Variants in PRKG1 observed in about 807,000 individuals in gnomAD.
The protein encoded by PRKG1 is protein kinase cGMP-dependent 1, also known as cGMP-dependent protein kinase 1.
A neutral mutation model predicts 88.1 loss-of-function variants in PRKG1; 35 were observed. The ratio of observed to expected loss-of-function variants is 0.40; its 90% CI spans 0.30 to 0.53. PRKG1 has a LOEUF of 0.53. PRKG1 is among the 20% of genes least tolerant of loss of function. The pLI is 0.59. For synonymous variants in PRKG1, 303 were observed against 292.5 expected, an observed-to-expected ratio of 1.04 and a Z score of -0.37; for missense variants, 540 against 839.8, an observed-to-expected ratio of 0.64 and a Z score of 4.41.
intron 3 of PRKG1, among the ~76,000 whole-genome samples, chr10:51,525,134 CAGAG>C (rs370866251): frequency 7.8e-5 from 11 of 140,298 alleles, no homozygotes; most frequent in Admixed American, 1.5e-4. Flanking sequence ...GAGACAGAGA[CAGAG>C]AGAGAGAGAG....
intron 9 of PRKG1, among the ~76,000 whole-genome samples, chr10:52,234,318 T>C (rs1840617760): frequency 6.6e-6 from 1 of 152,202 alleles, no homozygotes; most frequent in African/African-American, 2.4e-5. Context: ...GGATGGAGAA[T>C]GACTTTGATG....
intron 7 of PRKG1, among the ~76,000 whole-genome samples, chr10:52,131,248 C>T (rs1054899637): frequency 1.3e-5 from 2 of 152,094 alleles, no homozygotes; most frequent in South Asian, 2.1e-4. Flanking sequence ...GCTATGGTCC[C>T]GGCCCTCATA....
intron 2 of PRKG1, among the ~76,000 whole-genome samples, chr10:51,216,731 G>A (rs1838381197): frequency 6.6e-6 from 1 of 152,270 alleles, no homozygotes; most frequent in Non-Finnish European, 1.5e-5. Flanking sequence ...AGATTTGAAT[G>A]GAAAGGTAGG....
At chr10:52,096,164 C>A (rs923016248) in intron 7 of PRKG1, among the ~76,000 whole-genome samples, 1 of 152,176 alleles carries the variant, frequency 6.6e-6, no homozygotes, top group African/African-American at 2.4e-5. Context: ...CTCTCTGGTG[C>A]TACATCTTCT....
chr10:51,628,979 A>AAAG (rs1491355464), intron 3 of PRKG1, among the ~76,000 whole-genome samples: 3 of 141,528 alleles, frequency 2.1e-5, no homozygotes, highest in African/African-American at 8.1e-5. Flanking sequence ...AAAAAAAAAA[A>AAAG]CAAAAACAAA....
chr10:51,391,573 C>A (rs989096940), intron 2 of PRKG1, among the ~76,000 whole-genome samples: 1 of 152,304 alleles, frequency 6.6e-6, no homozygotes, highest in East Asian at 1.9e-4. Flanking sequence ...TATCATTTTT[C>A]ATCTGGTGGT....
chr10:51,173,428 A>C, intron 2 of PRKG1, among the ~76,000 whole-genome samples: 1 of 137,066 alleles, frequency 7.3e-6, no homozygotes, highest in Non-Finnish European at 1.6e-5. Context: ...GTGTGTGTGT[A>C]TTTGTGTGTG....
At chr10:51,266,039 AT>A (rs1376166363) in intron 2 of PRKG1, among the ~76,000 whole-genome samples, 2 of 152,160 alleles carry the variant, frequency 1.3e-5, no homozygotes, top group Middle Eastern at 3.2e-3. Flanking sequence ...GTAGGTCCCT[AT>A]GGGGAAATAA....
intron 3 of PRKG1, among the ~76,000 whole-genome samples, chr10:51,793,895 G>C (rs2132589175): frequency 6.6e-6 from 1 of 152,176 alleles, no homozygotes. Context: ...CCAAGCAGGT[G>C]GGATTACAGG....
intron 5 of PRKG1, among the ~76,000 whole-genome samples, chr10:51,975,727 TG>T (rs1843816169): frequency 6.6e-6 from 1 of 152,044 alleles, no homozygotes; most frequent in African/African-American, 2.4e-5. Context: ...AGTAAATCTT[TG>T]TGACTTTGGG....
chr10:52,161,764 T>C, intron 8 of PRKG1, 125 bp from the exon 9 acceptor site: 1 of 756,386 alleles, frequency 1.3e-6, no homozygotes, highest in East Asian at 2.7e-5. Flanking sequence ...ATTAATGTAC[T>C]TAGATTAAGT....
At chr10:52,203,952 G>T (rs571104004) in intron 9 of PRKG1, among the ~76,000 whole-genome samples, 1 of 152,144 alleles carries the variant, frequency 6.6e-6, no homozygotes, top group South Asian at 2.1e-4. Context: ...GCATACAGTT[G>T]GGTCTTGCTT....
intron 5 of PRKG1, among the ~76,000 whole-genome samples, chr10:51,943,858 G>A (rs1371136435): frequency 1.3e-5 from 2 of 152,000 alleles, no homozygotes; most frequent in Non-Finnish European, 2.9e-5. Context: ...CTGTTTGCCA[G>A]TATTTTATTG....
chr10:51,143,541 A>T (rs1845872214), intron 1 of PRKG1, among the ~76,000 whole-genome samples: 3 of 152,054 alleles, frequency 2.0e-5, no homozygotes, highest in Admixed American at 1.3e-4. Flanking sequence ...TTTTTGAGGA[A>T]TCTTCATACT....
intron 2 of PRKG1, among the ~76,000 whole-genome samples, chr10:51,165,408 T>C (rs1217191556): frequency 4.0e-5 from 6 of 151,838 alleles, no homozygotes; most frequent in Non-Finnish European, 7.4e-5. Context: ...GCACTAAACA[T>C]GGAAAGGAAC....
intron 3 of PRKG1, among the ~76,000 whole-genome samples, chr10:51,604,696 T>TGTGACAAGGCATGTGACAGGGG (rs1838709438): frequency 6.6e-6 from 1 of 152,230 alleles, no homozygotes; most frequent in Non-Finnish European, 1.5e-5. Context: ...TGTGGCTCAC[T>TGTGACAAGGCATGTGACAGGGG]TCTTCGGTGC....
chr10:51,432,671 C>T (rs1425322685), intron 2 of PRKG1, among the ~76,000 whole-genome samples: 1 of 152,112 alleles, frequency 6.6e-6, no homozygotes, highest in Non-Finnish European at 1.5e-5. Flanking sequence ...TCATTTGTAC[C>T]TTAGGGTGTC....
chr10:52,113,367 AATGG>A (rs750229759), intron 7 of PRKG1, among the ~76,000 whole-genome samples: 1 of 151,988 alleles, frequency 6.6e-6, no homozygotes, highest in Non-Finnish European at 1.5e-5. Context: ...TAAATGGATG[AATGG>A]ATGGATGGAT....
In PRKG1 at chr10:51,200,777, A is replaced by G. The variant is rs557672400; in HGVS notation, c.478+47447A>G. ...TTTTATCTCAAACATTGATTTAAAC[A>G]TGATACAACTGAAAGCAGAAACACA... On this transcript the variant is annotated intron_variant, in intron 2 of 17. Transcript: ENST00000373980. Among the ~76,000 whole-genome samples, 5 of 152,350 alleles carry G rather than the reference A, an allele frequency of 3.3e-5. No individual in the cohort carries two copies. In the South Asian group the frequency reaches 8.3e-4, roughly 25 times the overall value.
Sources: allele counts gnomAD v4.1 joint callset (sites outside exome capture counted in the v4.1 genomes callset), GRCh38; gene constraint gnomAD v4.1.1; transcripts MANE v1.5; gene names NCBI Gene and HGNC (gene_info 2026-07-23, HGNC 2026-07-21).